LRRK1: variants seen among roughly 807,000 people sequenced by gnomAD.
LRRK1 encodes leucine rich repeat kinase 1.
A neutral mutation model predicts 209.1 loss-of-function variants in LRRK1; 113 were observed. The ratio of observed to expected loss-of-function variants is 0.54; its 90% CI spans 0.46 to 0.63. The LOEUF is 0.63. Among genes scored for constraint, LRRK1 ranks in the 30% least tolerant of loss-of-function variants. LRRK1 has a pLI of 0.00. For synonymous variants in LRRK1, 1,144 were observed against 1,099.7 expected, an observed-to-expected ratio of 1.04 and a Z score of -0.80; for missense variants, 2,284 against 2,632.2, an observed-to-expected ratio of 0.87 and a Z score of 2.89.
chr15:100,933,929 T>A (rs1319718723), intron 2 of LRRK1, among the ~76,000 whole-genome samples: 1 of 151,826 alleles, frequency 6.6e-6, no homozygotes, highest in Non-Finnish European at 1.5e-5. Context: ...TCCAAAACTC[T>A]TTCCTGTTCT....
intron 12 of LRRK1, among the ~76,000 whole-genome samples, chr15:101,016,138 T>C (rs972131386): frequency 3.9e-5 from 6 of 151,922 alleles, no homozygotes; most frequent in Non-Finnish European, 7.4e-5. Context: ...TACAGGCATG[T>C]GCCACCATGC....
chr15:101,002,649 G>C (rs1229749933), intron 6 of LRRK1, among the ~76,000 whole-genome samples: 3 of 152,218 alleles, frequency 2.0e-5, no homozygotes, highest in Non-Finnish European at 2.9e-5. Flanking sequence ...GCCTGGACTA[G>C]ACACAAATAA....
rs2033821077 is a variant in LRRK1, at chr15:101,022,079, T to A, written c.1852+122T>A. The A allele has an allele frequency of 5.8e-6, 4 of 693,826 alleles. No individual in the cohort carries two copies. Among genetic ancestry groups the A allele is most frequent in the Non-Finnish European group, 9.7e-6 (4 of 413,078 alleles). The allele number at this position is 693,826 out of a possible 1,614,324, so 43.0% of individuals were successfully genotyped here. On this transcript the variant is annotated intron_variant, in intron 14 of 33. Coordinates refer to ENST00000388948, the MANE Select transcript of LRRK1 (RefSeq NM_024652.6). The surrounding 1 kb of genome is among the most constrained non-coding windows in gnomAD (Gnocchi z 4.0). Reference sequence around the variant, plus strand: ...ATGGAGCCCAGCTCCAGGTTCCAGATTTGACAAGATGCTATAAAATTGTCC... The same window carrying A: ...ATGGAGCCCAGCTCCAGGTTCCAGAATTGACAAGATGCTATAAAATTGTCC...
chr15:100,979,109 C>G (rs1039577312), intron 3 of LRRK1, among the ~76,000 whole-genome samples: 2 of 152,060 alleles, frequency 1.3e-5, no homozygotes, highest in Admixed American at 6.5e-5. Flanking sequence ...TCAATGTAAT[C>G]CTCCTTATTA....
chr15:101,016,475 C>G (rs911201612), intron 12 of LRRK1, among the ~76,000 whole-genome samples: 1 of 147,224 alleles, frequency 6.8e-6, no homozygotes, highest in Non-Finnish European at 1.5e-5. Context: ...TGTGAGCCAC[C>G]ACGCCCGGCC....
At position 101,071,069 on chromosome 15, in the gene LRRK1, C is replaced by G. The variant is rs1170550333; in HGVS notation, c.*2221C>G. On this transcript the variant is annotated 3_prime_UTR_variant, in exon 34 of 34. Coordinates refer to ENST00000388948, the MANE Select transcript of LRRK1 (RefSeq NM_024652.6). ...CTTAAACATCAATGCTTGACCTCAC[C>G]CAACAGCAGGGAAACAGTCTCCACA... 1 of 152,230 alleles carries G rather than the reference C, an allele frequency of 6.6e-6. No individual in the cohort carries two copies. Among genetic ancestry groups the G allele is most frequent in the Non-Finnish European group, 1.5e-5 (1 of 68,062 alleles). The allele number at this position is 152,230 out of a possible 1,614,324, so 9.4% of individuals were successfully genotyped here. A position where few individuals can be genotyped will look rare whatever the true frequency, so the allele number is the denominator to read the frequency against.
At chr15:100,986,601 G>A (rs1370372013) in intron 4 of LRRK1, among the ~76,000 whole-genome samples, 1 of 152,218 alleles carries the variant, frequency 6.6e-6, no homozygotes, top group Non-Finnish European at 1.5e-5. Flanking sequence ...TGGCCAGAGA[G>A]CAGCCCGAAG....
chr15:101,054,189 G>A (rs770179940), intron 26 of LRRK1, among the ~76,000 whole-genome samples: 3 of 152,108 alleles, frequency 2.0e-5, no homozygotes, highest in African/African-American at 4.8e-5. Flanking sequence ...TGCCCAGGTC[G>A]TTCTCGAACT....
intron 3 of LRRK1, among the ~76,000 whole-genome samples, chr15:100,975,367 G>C (rs735872): frequency 0.48 from 73,706 of 152,160 alleles, 18,643 homozygotes; most frequent in South Asian, 0.6. Flanking sequence ...AGCCAAGGGG[G>C]ATGTGACTTC....
intron 2 of LRRK1, among the ~76,000 whole-genome samples, chr15:100,937,404 T>A (rs1460402679): frequency 6.6e-6 from 1 of 152,064 alleles, no homozygotes; most frequent in African/African-American, 2.4e-5. Flanking sequence ...GAAACCACAG[T>A]TTTTAGGCCT....
In LRRK1 at chr15:101,053,398, C is replaced by CGTGCTG. The variant is rs1567272243; in HGVS notation, c.4033_4038dup (p.Val1345_Leu1346dup). 1.3e-6 allele frequency: 2 copies of CGTGCTG among 1,597,982 alleles called. No individual in the cohort carries two copies. The highest frequency in any genetic ancestry group is 1.7e-6 in the Non-Finnish European group (2 of 1,178,840). ...TCGCGCCGCTCAGCAGCCTCAACAC[C>CGTGCTG]GTGCTGTCCGAGAACGCCAGAGGTA... On this transcript the variant is annotated inframe_insertion, in exon 26 of 34. Transcript: ENST00000388948.
intron 2 of LRRK1, among the ~76,000 whole-genome samples, chr15:100,928,506 C>T (rs977870485): frequency 6.6e-6 from 1 of 152,026 alleles, no homozygotes; most frequent in Non-Finnish European, 1.5e-5. Context: ...AAAAGTTGGC[C>T]GCCAGAAGGA....
chr15:100,924,623 G>T lies in LRRK1; in HGVS notation c.-10G>T. On this transcript the variant is annotated 5_prime_UTR_variant, in exon 2 of 34. Coordinates refer to ENST00000388948, the MANE Select transcript of LRRK1 (RefSeq NM_024652.6). Reference sequence around the variant, plus strand: ...GACCTGCCTTTGAAGATCGGCTGCTGCAAGGGTTGATGGCTGGCATGTCGC... The same window carrying T: ...GACCTGCCTTTGAAGATCGGCTGCTTCAAGGGTTGATGGCTGGCATGTCGC... 1.2e-6 allele frequency: 2 copies of T among 1,613,850 alleles called. No homozygotes were observed. Among genetic ancestry groups the T allele is most frequent in the Non-Finnish European group, 1.7e-6 (2 of 1,179,792 alleles).
intron 2 of LRRK1, among the ~76,000 whole-genome samples, chr15:100,957,073 G>A (rs2042781183): frequency 6.6e-6 from 1 of 152,016 alleles, no homozygotes; most frequent in African/African-American, 2.4e-5. Flanking sequence ...GGAGTATGTG[G>A]TTTAATTTCC....
Position 101,065,847 on chromosome 15 carries a change from A to G in LRRK1, c.5410A>G (p.Asn1804Asp), listed in dbSNP as rs912178976. The G allele has an allele frequency of 8.1e-6, 13 of 1,614,094 alleles. No individual in the cohort carries two copies. Among genetic ancestry groups the G allele is most frequent in the Non-Finnish European group, 1.1e-5 (13 of 1,180,000 alleles). Residue 1804 changes from asparagine to aspartate, a missense_variant, in exon 32 of 34, where the codon AAC becomes GAC. Asn to Asp is a conservative substitution (Grantham distance 23). Transcript: ENST00000388948. Reference protein sequence around the residue: ...TEPPAASHTANPKVPEGDSIA... With the variant: ...TEPPAASHTADPKVPEGDSIA... ...ACCCCCGGCAGCCAGCCACACGGCC[A>G]ACCCAAAGGTGCCTGAGGGGGACTC...
chr15:100,978,626 G>C (rs2031431550), intron 3 of LRRK1, among the ~76,000 whole-genome samples: 1 of 152,292 alleles, frequency 6.6e-6, no homozygotes, highest in South Asian at 2.1e-4. Context: ...ATTATGAACA[G>C]CTCTAAACAC....
At chr15:101,031,482 T>C (rs2034280845) in intron 20 of LRRK1, among the ~76,000 whole-genome samples, 1 of 152,264 alleles carries the variant, frequency 6.6e-6, no homozygotes, top group Admixed American at 6.5e-5. Context: ...TGTATGGCTT[T>C]ACTGCAATTT....
chr15:101,020,972 G>A (rs1451684026), intron 12 of LRRK1, 81 bp from the exon 13 acceptor site: 2 of 1,549,896 alleles, frequency 1.3e-6, no homozygotes, highest in African/African-American at 2.7e-5. Flanking sequence ...GGTTGCATCA[G>A]TTTATACGCC....
At chr15:100,920,714 C>T (rs1044235086) in intron 1 of LRRK1, among the ~76,000 whole-genome samples, 2 of 144,736 alleles carry the variant, frequency 1.4e-5, no homozygotes, top group Non-Finnish European at 3.0e-5. Flanking sequence ...GATTTCAGTT[C>T]CCCCTTCCTC....
Sources: allele counts gnomAD v4.1 joint callset (sites outside exome capture counted in the v4.1 genomes callset), GRCh38; gene constraint gnomAD v4.1.1; non-coding constraint Gnocchi (gnomAD v3.1); transcripts MANE v1.5; gene names NCBI Gene and HGNC (gene_info 2026-07-23, HGNC 2026-07-21).